SYT16: variants seen among roughly 807,000 people sequenced by gnomAD.
SYT16 encodes the protein synaptotagmin-16.
SYT16 carries 42 observed loss-of-function variants against 61.4 expected under a neutral mutation model. That is an observed-to-expected ratio of 0.68 (90% CI 0.53 to 0.89). The LOEUF (loss-of-function observed/expected upper bound fraction) is 0.89, where lower values mean the gene tolerates loss of function less well. SYT16 is among the 40% of genes least tolerant of loss of function. The pLI is 0.00. For missense variants in SYT16, 804 were observed against 807.3 expected, an observed-to-expected ratio of 1.00 and a Z score of 0.05; for synonymous variants, 314 against 302.3, an observed-to-expected ratio of 1.04 and a Z score of -0.40.
chr14:61,939,779 A>G (rs1268283230), intron 1 of SYT16, among the ~76,000 whole-genome samples: 1 of 152,164 alleles, frequency 6.6e-6, no homozygotes, highest in African/African-American at 2.4e-5. Context: ...AAGGGGGAAG[A>G]AAAAGGACGA....
At chr14:62,017,958 C>T (rs752153149) in intron 3 of SYT16, among the ~76,000 whole-genome samples, 1 of 152,146 alleles carries the variant, frequency 6.6e-6, no homozygotes, top group Non-Finnish European at 1.5e-5. Context: ...TGAAGCAATC[C>T]TCTGGCTTCA....
At chr14:62,039,698 A>C (rs75293221) in intron 3 of SYT16, among the ~76,000 whole-genome samples, 7,736 of 152,228 alleles carry the variant, frequency 0.051, 342 homozygotes, top group African/African-American at 0.12. Flanking sequence ...CCAAGATTTC[A>C]TAATTATGTG....
At chr14:61,939,458 G>A (rs1435408413) in intron 1 of SYT16, among the ~76,000 whole-genome samples, 1 of 152,194 alleles carries the variant, frequency 6.6e-6, no homozygotes, top group African/African-American at 2.4e-5. Flanking sequence ...CACAGTCCTG[G>A]AGGACAGAAG....
At chr14:61,955,946 A>G (rs942162416) in intron 1 of SYT16, among the ~76,000 whole-genome samples, 31 of 151,838 alleles carry the variant, frequency 2.0e-4, no homozygotes, top group African/African-American at 6.7e-4. Context: ...ATCCTCCCCA[A>G]CACTTGCTCC....
intron 1 of SYT16, among the ~76,000 whole-genome samples, chr14:61,933,071 C>A (rs1202789251): frequency 6.6e-6 from 1 of 152,162 alleles, no homozygotes; most frequent in African/African-American, 2.4e-5. Flanking sequence ...TTTGGGAAAG[C>A]CAGTCTAGTT....
Position 62,110,544 on chromosome 14 carries a change from T to C in SYT16, c.*9837T>C, listed in dbSNP as rs2057590031. On this transcript the variant is annotated 3_prime_UTR_variant, in exon 8 of 8. Coordinates refer to ENST00000683842, the MANE Select transcript of SYT16 (RefSeq NM_001367656.1). The stretch of plus-strand genomic sequence containing the variant: ...CAATATATCAAAGTAATTGACACTT[T>C]TAGAGCTCTGCCAATCAGTGGGCCA... 6.6e-6 allele frequency: 1 copy of C among 152,130 alleles called. No homozygotes were observed. Among genetic ancestry groups the C allele is most frequent in the South Asian group, 2.1e-4 (1 of 4,832 alleles). The allele number at this position is 152,130 out of a possible 1,614,324, so 9.4% of individuals were successfully genotyped here. A position where few individuals can be genotyped will look rare whatever the true frequency, so the allele number is the denominator to read the frequency against.
At chr14:61,984,007 G>C (rs998827928) in intron 2 of SYT16, among the ~76,000 whole-genome samples, 1 of 152,160 alleles carries the variant, frequency 6.6e-6, no homozygotes, top group African/African-American at 2.4e-5. Context: ...TAAACCCTTT[G>C]AATGTTTCTT....
intron 2 of SYT16, among the ~76,000 whole-genome samples, chr14:61,991,950 G>GTTCATTCATTCA (rs75057544): frequency 7.4e-4 from 111 of 149,278 alleles, no homozygotes; most frequent in African/African-American, 1.5e-3. Flanking sequence ...AACTTTGTTC[G>GTTCATTCATTCA]TTCATTCATT....
chr14:61,867,958 A>G (rs2047211815), intron 1 of SYT16, among the ~76,000 whole-genome samples: 1 of 152,044 alleles, frequency 6.6e-6, no homozygotes, highest in Non-Finnish European at 1.5e-5. Context: ...AATATGTTGA[A>G]TTACATTGAG....
intron 2 of SYT16, among the ~76,000 whole-genome samples, chr14:61,975,580 A>G (rs149394870): frequency 1.8e-4 from 28 of 152,212 alleles, no homozygotes; most frequent in African/African-American, 6.7e-4. Context: ...GTGCCTTATA[A>G]AACCATCAGA....
intron 1 of SYT16, among the ~76,000 whole-genome samples, chr14:61,957,543 C>A (rs2050927577): frequency 6.6e-6 from 1 of 151,884 alleles, no homozygotes; most frequent in African/African-American, 2.4e-5. Flanking sequence ...GATGCTTTTT[C>A]TGCATCTATT....
intron 3 of SYT16, among the ~76,000 whole-genome samples, chr14:62,045,979 G>T (rs1354707417): frequency 1.3e-5 from 2 of 152,246 alleles, no homozygotes; most frequent in East Asian, 1.9e-4. Flanking sequence ...GTAATGGGAT[G>T]GCTGGGTCAA....
intron 1 of SYT16, among the ~76,000 whole-genome samples, chr14:61,898,248 C>A (rs1237595527): frequency 6.6e-6 from 1 of 152,184 alleles, no homozygotes; most frequent in Non-Finnish European, 1.5e-5. Context: ...CCCACCTCCC[C>A]CCACTCCTAC....
At chr14:61,870,718 T>C (rs896620545) in intron 1 of SYT16, among the ~76,000 whole-genome samples, 3 of 152,230 alleles carry the variant, frequency 2.0e-5, no homozygotes, top group Admixed American at 6.5e-5. Context: ...TCTTCTACAA[T>C]AACTAATCTG....
chr14:61,953,169 A>G (rs1214245242), intron 1 of SYT16, among the ~76,000 whole-genome samples: 1 of 152,218 alleles, frequency 6.6e-6, no homozygotes, highest in Non-Finnish European at 1.5e-5. Context: ...GGTTGTATAA[A>G]CAACTAATAT....
intron 7 of SYT16, among the ~76,000 whole-genome samples, chr14:62,087,715 T>G (rs563673234): frequency 6.6e-6 from 1 of 152,300 alleles, no homozygotes; most frequent in East Asian, 1.9e-4. Flanking sequence ...AATCGGATAT[T>G]TTTTAAACTT....
chr14:62,079,239 T>TA (rs1161980502), intron 5 of SYT16: 1 of 454,914 alleles, frequency 2.2e-6, no homozygotes, highest in East Asian at 8.9e-5. Context: ...CACTTGAAAC[T>TA]AAGTACCTCT....
chr14:62,034,898 C>T (rs2054449322), intron 3 of SYT16, among the ~76,000 whole-genome samples: 1 of 152,134 alleles, frequency 6.6e-6, no homozygotes, highest in Admixed American at 6.6e-5. Context: ...GGCTTCCTCA[C>T]AAACAAAACA....
At position 62,044,201 on chromosome 14, in the gene SYT16, G is replaced by GA. The variant is rs201971671; in HGVS notation, c.524-25389dup. Among the ~76,000 whole-genome samples, 1,333 of 138,200 alleles carry GA rather than the reference G, an allele frequency of 9.6e-3. 10 individuals carry two copies. Among genetic ancestry groups the GA allele is most frequent in the African/African-American group, 0.023 (869 of 37,488 alleles). The allele number at this position is 138,200 out of a possible 152,430, so 90.7% of individuals were successfully genotyped here. On this transcript the variant is annotated intron_variant, in intron 3 of 7. Transcript: ENST00000683842. The stretch of plus-strand genomic sequence containing the variant: ...GGTGACAGAGCAAGACCCTGTCTTT[G>GA]AAAAAAAAAAAAATAGGAAACGAAA...
Sources: allele counts gnomAD v4.1 joint callset (sites outside exome capture counted in the v4.1 genomes callset), GRCh38; gene constraint gnomAD v4.1.1; transcripts MANE v1.5; gene names NCBI Gene and HGNC (gene_info 2026-07-23, HGNC 2026-07-21).